SLX4: variants seen among roughly 807,000 people sequenced by gnomAD.
SLX4 encodes SLX4 structure-specific endonuclease subunit, also known as structure-specific endonuclease subunit SLX4.
In SLX4, 112 loss-of-function variants were observed where a neutral mutation model predicts 146.2. That is an observed-to-expected ratio of 0.77 (90% confidence interval 0.66 to 0.90). The LOEUF is 0.90. Ranked by LOEUF, SLX4 falls within the 40% of genes least tolerant of loss-of-function variation. The probability of loss-of-function intolerance (pLI) is 0.00; values close to 1 mark genes in which losing one functional copy is unlikely to be tolerated. For missense variants in SLX4, 2,563 were observed against 2,392.7 expected (o/e 1.07, Z -1.49); for synonymous variants, 1,061 against 997.7 (o/e 1.06, Z -1.20).
At chr16:3,608,057 C>T (rs1008620029) in intron 2 of SLX4, among the ~76,000 whole-genome samples, 1 of 152,204 alleles carries the variant, frequency 6.6e-6, no homozygotes, top group African/African-American at 2.4e-5. Flanking sequence ...CAGTGGCTTA[C>T]GCCTGTAATC....
At chr16:3,602,728 C>T (rs1043847719) in intron 3 of SLX4, among the ~76,000 whole-genome samples, 1 of 152,204 alleles carries the variant, frequency 6.6e-6, no homozygotes, top group African/African-American at 2.4e-5. Context: ...GGCTCATATT[C>T]CAACAAAGCT....
chr16:3,590,120 C>A lies in SLX4; in HGVS notation c.3518G>T (p.Ser1173Ile). 2 of 1,614,228 alleles carry A rather than the reference C, an allele frequency of 1.2e-6. No individual in the cohort carries two copies. Among genetic ancestry groups the A allele is most frequent in the African/African-American group, 1.3e-5 (1 of 75,048 alleles). ...AGCTTTCTTTTCTTCCAGAGGATCA[C>A]TAGAAATGGACTTCATTTTGGTTTG... ...LEQTKMKSIS[S>I]DPLEEKKALE... Residue 1173 changes from serine (S) to isoleucine (I), a missense_variant, in exon 12 of 15, where the codon AGT becomes ATT. By Grantham distance (142) the Ser-to-Ile change is moderately radical. Transcript: ENST00000294008. The surrounding 1 kb of genome is among the most constrained non-coding windows in gnomAD (Gnocchi z 4.8).
Position 3,589,235 on chromosome 16 carries a change from C to A in SLX4, c.4403G>T (p.Arg1468Leu), listed in dbSNP as rs574214196. The change falls in exon 12 of 15, where the codon CGC (arginine) becomes CTC (leucine). Residue 1468 changes from arginine (R) to leucine (L), a missense_variant. Transcript: ENST00000294008. This position sits in a 1 kb window ranked among gnomAD's most constrained non-coding sequence, Gnocchi z 6.2. ...MNEAADSRDC[R>L]SPGLLDTTPI... ...GGTGGTGTCCAGGAGTCCCGGGGAGCGACAGTCACGGCTGTCGGCGGCCTC... is the reference window on the plus strand; with the variant it reads ...GGTGGTGTCCAGGAGTCCCGGGGAGAGACAGTCACGGCTGTCGGCGGCCTC... 6.2e-7 allele frequency: 1 copy of A among 1,608,904 alleles called. No homozygotes were observed. The highest frequency in any genetic ancestry group is 1.1e-5 in the South Asian group (1 of 90,832).
At chr16:3,605,946 C>CAAAA (rs1181232820) in intron 3 of SLX4, among the ~76,000 whole-genome samples, 2 of 27,020 alleles carry the variant, frequency 7.4e-5, no homozygotes, top group Non-Finnish European at 6.6e-5. Context: ...GACTCCATCT[C>CAAAA]AAAAAAAAAA....
Position 3,602,129 on chromosome 16 carries a change from C to G in SLX4, c.939G>C (p.Gln313His). 5 of 1,614,172 alleles carry G rather than the reference C, an allele frequency of 3.1e-6. No individual in the cohort carries two copies. The highest frequency in any genetic ancestry group is 4.2e-6 in the Non-Finnish European group (5 of 1,180,028). ...LSAMNVTRRE[Q>H]HVNRCLDEAE... is the part of the protein sequence containing the mutation. Reference sequence around the variant, plus strand: ...CAAGCTGCCCCCACCTGTTCACATGCTGTTCCCTTCGGGTCACGTTCATGG... The same window carrying G: ...CAAGCTGCCCCCACCTGTTCACATGGTGTTCCCTTCGGGTCACGTTCATGG... Residue 313 changes from glutamine to histidine, a missense_variant, in exon 4 of 15, where the codon CAG becomes CAC. Physicochemically the swap from Gln to His is conservative, Grantham distance 24 (BLOSUM62 0). Transcript: ENST00000294008.
intron 14 of SLX4, 96 bp from the exon 15 acceptor site, chr16:3,582,789 C>T: frequency 8.4e-7 from 1 of 1,187,534 alleles, no homozygotes; most frequent in East Asian, 2.5e-5. Flanking sequence ...CTACGGGTCC[C>T]ATGGAGCCTG....
intron 9 of SLX4, 47 bp from the exon 10 acceptor site, chr16:3,594,646 T>A: frequency 6.2e-7 from 1 of 1,612,928 alleles, no homozygotes; most frequent in South Asian, 1.1e-5. Flanking sequence ...ACCTCTGCTC[T>A]GCTAACTGGG....
At position 3,590,922 on chromosome 16, in the gene SLX4, TCTC is replaced by T. The variant is rs1292828765; in HGVS notation, c.2713_2715del (p.Glu905del). On this transcript the variant is annotated inframe_deletion, in exon 12 of 15. Transcript: ENST00000294008. The surrounding 1 kb of genome is among the most constrained non-coding windows in gnomAD (Gnocchi z 4.8). The stretch of plus-strand genomic sequence containing the variant: ...TCTCTTCCTGGCTCCAACGGCTCCA[TCTC>T]CTCCACCTTGTCCCACTGTTTCTGC... The T allele has an allele frequency of 6.2e-7, 1 of 1,613,898 alleles. No homozygotes were observed. The highest frequency in any genetic ancestry group is 8.5e-7 in the Non-Finnish European group (1 of 1,179,990).
At chr16:3,592,052 C>T (rs973666780) in intron 11 of SLX4, among the ~76,000 whole-genome samples, 2 of 152,244 alleles carry the variant, frequency 1.3e-5, no homozygotes, top group Non-Finnish European at 2.9e-5. Context: ...ACACCAAGTC[C>T]TTGAGTCAGC....
chr16:3,590,773 A>C lies in SLX4; in HGVS notation c.2865T>G (p.His955Gln). The C allele has an allele frequency of 6.2e-7, 1 of 1,614,068 alleles. No individual in the cohort carries two copies. Among genetic ancestry groups the C allele is most frequent in the Non-Finnish European group, 8.5e-7 (1 of 1,180,024 alleles). Reference sequence around the variant, plus strand: ...CCCTGGAAGGGCTGGAGCAGCTGGAATGGCCAAGCGCCTCCTCTGGCGCCT... The same window carrying C: ...CCCTGGAAGGGCTGGAGCAGCTGGACTGGCCAAGCGCCTCCTCTGGCGCCT... The part of the protein sequence containing the change: ...EQEAPEEALG[H>Q]SSCSSPSRDC... Residue 955 changes from histidine to glutamine, a missense_variant, in exon 12 of 15, where the codon CAT becomes CAG. Coordinates refer to ENST00000294008, the MANE Select transcript of SLX4 (RefSeq NM_032444.4). This position sits in a 1 kb window ranked among gnomAD's most constrained non-coding sequence, Gnocchi z 4.8.
At chr16:3,582,795 GCCTGGCCTGTGGCACGAT>G (rs2040456017) in intron 14 of SLX4, 102 bp from the exon 15 acceptor site, 2 of 1,140,940 alleles carry the variant, frequency 1.8e-6, no homozygotes, top group Non-Finnish European at 1.3e-6. Context: ...GTCCCATGGA[GCCTGGCCTGTGGCACGAT>G]CCCCAGCAAG....
chr16:3,608,582 C>T lies in SLX4; in HGVS notation c.383G>A (p.Trp128Ter), dbSNP rs1193906930. 6.2e-7 allele frequency: 1 copy of T among 1,614,178 alleles called. No individual in the cohort carries two copies. The highest frequency in any genetic ancestry group is 1.7e-5 in the Admixed American group (1 of 60,010). ...PRTKKQRVTK[W>*]QASEPAHSVN... ...AGAGTGGGCCGGTTCACTTGCTTGC[C>T]ATTTGGTTACCCTTTGCTTTTTAGT... is the stretch of plus-strand genomic sequence containing the variant. Residue 128 changes from tryptophan to a stop codon, truncating the protein, a stop_gained, in exon 2 of 15, where the codon TGG (tryptophan) becomes TAG (stop). Coordinates refer to ENST00000294008, the MANE Select transcript of SLX4 (RefSeq NM_032444.4). LOFTEE classifies it high-confidence loss of function.
chr16:3,601,795 G>C (rs2040729761), intron 4 of SLX4: 2 of 375,522 alleles, frequency 5.3e-6, no homozygotes, highest in Non-Finnish European at 1.0e-5. Context: ...GTGGTTGTCA[G>C]GGGAGAGAGG....
Position 3,596,196 on chromosome 16 carries a change from C to G in SLX4, c.1881G>C (p.Pro627=). ...DLAREGLSAS[P]WPGSGGLAGS... is the part of the protein sequence containing the mutation. ...CAGCCAGGCCCCCACTGCCGGGCCACGGGCTGGCGCTCAGTCCCTCCCTCG... is the reference window on the plus strand; with the variant it reads ...CAGCCAGGCCCCCACTGCCGGGCCAGGGGCTGGCGCTCAGTCCCTCCCTCG... Residue 627 remains proline, a synonymous_variant, in exon 8 of 15, where the codon CCG becomes CCC. Transcript: ENST00000294008. 6.5e-7 allele frequency: 1 copy of G among 1,550,338 alleles called. No homozygotes were observed. The highest frequency in any genetic ancestry group is 1.2e-5 in the South Asian group (1 of 84,348).
Position 3,608,461 on chromosome 16 carries a change from T to C in SLX4, c.504A>G (p.Pro168=). The C allele has an allele frequency of 6.2e-7, 1 of 1,614,196 alleles. No homozygotes were observed. The highest frequency in any genetic ancestry group is 1.1e-5 in the South Asian group (1 of 91,084). ...TTTTCTCTCTGGAAAGGTTTGGCGA[T>C]GGTTCTTGCTGGTTACCCGTCTGGG... The part of the protein sequence containing the change: ...QNTQTGNQQE[P]SPNLSREKTR... Residue 168 remains proline, a synonymous_variant, in exon 2 of 15, where the codon CCA becomes CCG. Transcript: ENST00000294008.
At chr16:3,607,998 C>T (rs913922107) in intron 2 of SLX4, among the ~76,000 whole-genome samples, 2 of 152,308 alleles carry the variant, frequency 1.3e-5, no homozygotes, top group Non-Finnish European at 2.9e-5. Flanking sequence ...AAAATTCACA[C>T]GGGTTATGTT....
At chr16:3,599,215 C>T (rs2040700666) in intron 5 of SLX4, among the ~76,000 whole-genome samples, 1 of 152,224 alleles carries the variant, frequency 6.6e-6, no homozygotes, top group Non-Finnish European at 1.5e-5. Context: ...CCAAGAGAAT[C>T]CCCTCTGCCC....
Position 3,591,036 on chromosome 16 carries a change from C to T in SLX4, c.2602G>A (p.Glu868Lys), listed in dbSNP as rs369377624. Residue 868 changes from glutamate (E) to lysine (K), a missense_variant, in exon 12 of 15, where the codon GAA becomes AAA. By Grantham distance (56) the Glu-to-Lys change is moderately conservative (BLOSUM62 1). Coordinates refer to ENST00000294008, the MANE Select transcript of SLX4 (RefSeq NM_032444.4). ...AATQRKLLQE[E>K]RAAGAGEDAD... ...TCCTCGCCGGCACCCGCTGCCCTTT[C>T]TTCCTGGAGAAGCTTTCGCTGAGTA... The T allele has an allele frequency of 1.2e-6, 2 of 1,614,214 alleles. No homozygotes were observed. Among genetic ancestry groups the T allele is most frequent in the South Asian group, 2.2e-5 (2 of 91,090 alleles).
In SLX4 at chr16:3,602,300, C is replaced by A. The variant is rs747036011; in HGVS notation, c.768G>T (p.Gly256=). ...CGCTCTCTGGGGCAGGGGGCCCAAG[C>A]CCATACACTGTGGAGAAGCACCAAA... ...QEEMMAGNVY[G]LGPPAPESDA... The change falls in exon 4 of 15, where the codon GGG becomes GGT. Residue 256 remains glycine (G), a synonymous_variant. Coordinates refer to ENST00000294008, the MANE Select transcript of SLX4 (RefSeq NM_032444.4). 14 of 1,613,788 alleles carry A rather than the reference C, an allele frequency of 8.7e-6. No individual in the cohort carries two copies. The highest frequency in any genetic ancestry group is 8.5e-6 in the Non-Finnish European group (10 of 1,180,038).
Sources: allele counts gnomAD v4.1 joint callset (sites outside exome capture counted in the v4.1 genomes callset), GRCh38; gene constraint gnomAD v4.1.1; non-coding constraint Gnocchi (gnomAD v3.1); transcripts MANE v1.5; gene names NCBI Gene and HGNC (gene_info 2026-07-23, HGNC 2026-07-21).